The following FBXO42 variants were observed in gnomAD, a reference collection of about 807,000 sequenced individuals.
The protein encoded by FBXO42 is F-box only protein 42.
A neutral mutation model predicts 71.7 loss-of-function variants in FBXO42; 12 were observed. The ratio of observed to expected loss-of-function variants is 0.17; its 90% CI spans 0.11 to 0.27. The LOEUF (loss-of-function observed/expected upper bound fraction) is 0.27. Among genes scored for constraint, FBXO42 ranks in the 10% least tolerant of loss-of-function variants. The pLI is 1.00. For synonymous variants in FBXO42, 325 were observed against 327.5 expected (o/e 0.99, Z 0.08); for missense variants, 707 against 911.9 (o/e 0.78, Z 2.89).
intron 1 of FBXO42, among the ~76,000 whole-genome samples, chr1:16,332,114 ATAGT>A (rs369832187): frequency 1.9e-3 from 291 of 152,288 alleles, no homozygotes; most frequent in Middle Eastern, 0.014. Context: ...ATTAGCTTTA[ATAGT>A]TAGTCACTTC....
At chr1:16,263,581 G>A (rs1167672577) in intron 4 of FBXO42, among the ~76,000 whole-genome samples, 15 of 151,566 alleles carry the variant, frequency 9.9e-5, no homozygotes, top group Admixed American at 9.9e-4. Flanking sequence ...AAATTAGCCC[G>A]GCATGGTGGT....
intron 1 of FBXO42, among the ~76,000 whole-genome samples, chr1:16,332,163 C>G (rs1569935947): frequency 6.6e-6 from 1 of 152,048 alleles, no homozygotes. Context: ...TCTGGGATAA[C>G]AGATTTAGGA....
intron 1 of FBXO42, among the ~76,000 whole-genome samples, chr1:16,349,280 T>C (rs1423674071): frequency 6.6e-6 from 1 of 152,186 alleles, no homozygotes; most frequent in Non-Finnish European, 1.5e-5. Flanking sequence ...TTGGATTCAG[T>C]GCACTTCTTA....
intron 4 of FBXO42, among the ~76,000 whole-genome samples, chr1:16,267,432 A>G (rs959052056): frequency 6.6e-6 from 1 of 152,128 alleles, no homozygotes; most frequent in Non-Finnish European, 1.5e-5. Context: ...GATTCTCCCC[A>G]GTAAGACTAC....
chr1:16,274,315 A>T (rs1489748374), intron 4 of FBXO42, among the ~76,000 whole-genome samples: 3 of 151,634 alleles, frequency 2.0e-5, no homozygotes, highest in African/African-American at 7.3e-5. Context: ...CTCAAAAAAC[A>T]CAAAAAAAAA....
intron 1 of FBXO42, among the ~76,000 whole-genome samples, chr1:16,331,496 T>C (rs1442896381): frequency 1.3e-5 from 2 of 151,850 alleles, no homozygotes; most frequent in Non-Finnish European, 2.9e-5. Flanking sequence ...GGCTCATGCC[T>C]GTAATCCCAG....
intron 1 of FBXO42, among the ~76,000 whole-genome samples, chr1:16,341,876 A>C (rs680202): frequency 0.68 from 103,129 of 150,582 alleles, 36,229 homozygotes; most frequent in East Asian, 0.86. Flanking sequence ...GAGGCTGAGG[A>C]AGGAGAATCG....
intron 1 of FBXO42, among the ~76,000 whole-genome samples, chr1:16,340,954 T>C (rs1291767659): frequency 6.6e-6 from 1 of 151,944 alleles, no homozygotes; most frequent in East Asian, 1.9e-4. Context: ...TACCAAAATT[T>C]ATTTATAAAA....
At chr1:16,341,409 G>C (rs1557608596) in intron 1 of FBXO42, among the ~76,000 whole-genome samples, 1 of 151,834 alleles carries the variant, frequency 6.6e-6, no homozygotes, top group East Asian at 1.9e-4. Flanking sequence ...AGACCAGCCT[G>C]ACCAACATGG....
intron 4 of FBXO42, among the ~76,000 whole-genome samples, chr1:16,258,460 G>A (rs1265969794): frequency 2.6e-5 from 4 of 151,280 alleles, no homozygotes; most frequent in Admixed American, 6.6e-5. Flanking sequence ...GGGCTCAAGG[G>A]ATCCTCCCAC....
chr1:16,250,603 C>A lies in FBXO42; in HGVS notation c.*67G>T. The A allele has an allele frequency of 2.0e-6, 3 of 1,530,430 alleles. No individual in the cohort carries two copies. Among genetic ancestry groups the A allele is most frequent in the Non-Finnish European group, 2.6e-6 (3 of 1,138,838 alleles). 94.8% of individuals were successfully genotyped at this position (1,530,430 alleles called of 1,614,324 possible). On this transcript the variant is annotated 3_prime_UTR_variant, in exon 10 of 10. Coordinates refer to ENST00000375592, the MANE Select transcript of FBXO42 (RefSeq NM_018994.3). This position sits in a 1 kb window ranked among gnomAD's most constrained non-coding sequence, Gnocchi z 4.7. ...TAATTTTGTTTTCCCAATTCTCAGT[C>A]CAAATGCTTACACACTGGAAAATTC... is the stretch of plus-strand genomic sequence containing the variant.
intron 1 of FBXO42, among the ~76,000 whole-genome samples, chr1:16,350,434 G>A (rs1169847480): frequency 6.6e-6 from 1 of 151,692 alleles, no homozygotes; most frequent in African/African-American, 2.4e-5. Context: ...AATTTCTATG[G>A]AAAAGTCTTT....
At chr1:16,336,801 T>C (rs1402128368) in intron 1 of FBXO42, among the ~76,000 whole-genome samples, 1 of 150,044 alleles carries the variant, frequency 6.7e-6, no homozygotes, top group Non-Finnish European at 1.5e-5. Context: ...CTGGCAAACA[T>C]GGTGAAACCC....
At chr1:16,311,530 A>G (rs1270075779) in intron 2 of FBXO42, among the ~76,000 whole-genome samples, 1 of 145,680 alleles carries the variant, frequency 6.9e-6, no homozygotes. Flanking sequence ...ATATATATAC[A>G]TATGTATATA....
intron 4 of FBXO42, among the ~76,000 whole-genome samples, chr1:16,258,698 T>C (rs1289438703): frequency 6.6e-6 from 1 of 152,016 alleles, no homozygotes; most frequent in Admixed American, 6.6e-5. Context: ...AAACCAACAC[T>C]AATCCAGACC....
chr1:16,312,079 C>A (rs2082317868), intron 2 of FBXO42, among the ~76,000 whole-genome samples: 1 of 152,096 alleles, frequency 6.6e-6, no homozygotes, highest in Non-Finnish European at 1.5e-5. Context: ...ATGGAGGAAG[C>A]CGGGCACGGT....
At chr1:16,264,326 C>T (rs976169849) in intron 4 of FBXO42, among the ~76,000 whole-genome samples, 9 of 152,064 alleles carry the variant, frequency 5.9e-5, no homozygotes, top group African/African-American at 9.7e-5. Flanking sequence ...AGCTGATATT[C>T]GATAGTTAAA....
Position 16,315,387 on chromosome 1 carries a change from C to T in FBXO42, c.32G>A (p.Ser11Asn), listed in dbSNP as rs140391145. 2.9e-4 allele frequency: 464 copies of T among 1,614,168 alleles called. 2 individuals are homozygous for T. In the African/African-American group the frequency reaches 5.5e-3, roughly 19 times the overall value. ...TTCTTCCTGGTCCACAGCCATGAAA[C>T]TGTCATCTTCACTGTCCGAGGAGCT... MASSSDSEDD[S>N]FMAVDQEETV... is the part of the protein sequence containing the mutation. Residue 11 changes from serine (S) to asparagine (N), a missense_variant, in exon 2 of 10, where the codon AGT becomes AAT. Around this residue, in one of 5 missense-constraint regions of FBXO42, gnomAD observed 188 missense variants for 230.5 expected, o/e 0.82. Transcript: ENST00000375592.
intron 4 of FBXO42, among the ~76,000 whole-genome samples, chr1:16,265,019 A>G (rs1014392369): frequency 2.0e-5 from 3 of 152,170 alleles, no homozygotes; most frequent in African/African-American, 7.2e-5. Context: ...AGAGCAGCTC[A>G]ACTATTTGAT....
Sources: gnomAD v4.1 joint callset for allele counts (sites outside exome capture counted in the v4.1 genomes callset) on GRCh38, gnomAD v4.1.1 for gene constraint, gnomAD v4.1.1 regional missense constraint, Gnocchi (gnomAD v3.1) non-coding constraint, MANE v1.5 for transcripts, NCBI Gene and HGNC (gene_info 2026-07-23, HGNC 2026-07-21) for gene names.